ADH5: variants seen among roughly 807,000 people sequenced by gnomAD.
ADH5 encodes the protein alcohol dehydrogenase class-3.
Under a neutral mutation model 40.3 loss-of-function variants are expected in ADH5, and 32 were observed. The observed-to-expected ratio is 0.79, with a 90% CI of 0.60 to 1.07. ADH5 has a LOEUF of 1.07. ADH5 is among the 50% of genes least tolerant of loss of function. The pLI, the probability that ADH5 is intolerant of heterozygous loss-of-function variation, is 0.00. For missense variants in ADH5, 353 were observed against 460.5 expected, an observed-to-expected ratio of 0.77 and a Z score of 2.14; for synonymous variants, 125 against 154.3, an observed-to-expected ratio of 0.81 and a Z score of 1.41.
chr4:99,072,730 T>C lies in ADH5; in HGVS notation c.962-19A>G. The C allele has an allele frequency of 6.3e-7, 1 of 1,593,256 alleles. No individual in the cohort carries two copies. Among genetic ancestry groups the C allele is most frequent in the Non-Finnish European group, 8.5e-7 (1 of 1,172,744 alleles). ...TTCCATCCTAAAAGAAATCACACATTAATTTATTCAACAAATTTCTGCAGT... is the reference window on the plus strand; with the variant it reads ...TTCCATCCTAAAAGAAATCACACATCAATTTATTCAACAAATTTCTGCAGT... On this transcript the variant is annotated intron_variant, in intron 7 of 8. Transcript: ENST00000296412.
intron 6 of ADH5, chr4:99,075,645 G>C (rs1269078759): frequency 6.6e-6 from 1 of 152,258 alleles, no homozygotes; most frequent in Admixed American, 6.5e-5. Flanking sequence ...AAAGCAGGCA[G>C]CAGAATTAAT....
chr4:99,077,155 A>G (rs1228734263), intron 4 of ADH5, among the ~76,000 whole-genome samples: 1 of 152,234 alleles, frequency 6.6e-6, no homozygotes, highest in Non-Finnish European at 1.5e-5. Context: ...CTTCTAGATC[A>G]TACTGTCAGA....
Position 99,072,568 on chromosome 4 carries a change from C to G in ADH5, c.1100+5G>C, listed in dbSNP as rs1171782900. ...CATTCTATGATATATAAAGAGAAAG[C>G]CTACCTCTTTCCAGAATGCATCAGT... On this transcript the variant is annotated splice_donor_5th_base_variant and intron_variant, in intron 8 of 8. Transcript: ENST00000296412. 4 of 1,610,222 alleles carry G rather than the reference C, an allele frequency of 2.5e-6. No homozygotes were observed. Among genetic ancestry groups the G allele is most frequent in the South Asian group, 2.2e-5 (2 of 90,074 alleles).
chr4:99,077,639 T>C (rs1727954454), intron 4 of ADH5, among the ~76,000 whole-genome samples: 1 of 152,068 alleles, frequency 6.6e-6, no homozygotes, highest in Non-Finnish European at 1.5e-5. Context: ...GGCTAATTTA[T>C]ATCTTTCAGG....
In ADH5 at chr4:99,075,997, G is replaced by A. The variant is rs1727918256; in HGVS notation, c.825+295C>T. The A allele has an allele frequency of 3.4e-5, 10 of 292,192 alleles. No homozygotes were observed. In the South Asian group the frequency reaches 4.4e-4, roughly 13 times the overall value. The allele number at this position is 292,192 out of a possible 1,614,324, so 18.1% of individuals were successfully genotyped here. A position where few individuals can be genotyped will look rare whatever the true frequency, so the allele number is the denominator to read the frequency against. ...AGGGTCACTGAGTTAGTAAGTGGAT[G>A]TGTATTTGATTCCAAAGATCATGCT... On this transcript the variant is annotated intron_variant, in intron 6 of 8. Transcript: ENST00000296412.
chr4:99,086,671 G>A (rs1371826640), intron 1 of ADH5, among the ~76,000 whole-genome samples: 4 of 152,148 alleles, frequency 2.6e-5, no homozygotes, highest in Middle Eastern at 3.4e-3. Context: ...CTGGCCGGGC[G>A]CGGTGGCTCA....
chr4:99,077,333 G>C (rs1302395763), intron 4 of ADH5, among the ~76,000 whole-genome samples: 1 of 151,984 alleles, frequency 6.6e-6, no homozygotes, highest in Non-Finnish European at 1.5e-5. Context: ...GAGTAGCCTG[G>C]GCAACATAGC....
At chr4:99,081,243 T>A in intron 4 of ADH5, 122 bp downstream of exon 4, 1 of 724,924 alleles carries the variant, frequency 1.4e-6, no homozygotes. Context: ...CTTTGAACGT[T>A]AATCCGACTG....
At chr4:99,076,159 T>C in intron 6 of ADH5, 133 bp downstream of exon 6, 2 of 824,416 alleles carry the variant, frequency 2.4e-6, no homozygotes, top group Non-Finnish European at 1.9e-6. Flanking sequence ...AAATAGATAT[T>C]TTCCCCTTCT....
intron 2 of ADH5, 32 bp downstream of exon 2, chr4:99,085,080 CTCT>C: frequency 1.7e-6 from 2 of 1,174,740 alleles, no homozygotes; most frequent in Non-Finnish European, 2.3e-6. Flanking sequence ...CTCATTGTGT[CTCT>C]TTTTTTCCCA....
chr4:99,082,116 T>C lies in ADH5; in HGVS notation c.115A>G (p.Ile39Val). The part of the protein sequence containing the change: ...PPKAHEVRIK[I>V]IATAVCHTDA... ...GTGTGGCAAACCGCAGTGGCAATGA[T>C]CTATCAGGACATTAAAACAACGAAT... The change falls in exon 3 of 9, where the codon ATC becomes GTC. Residue 39 changes from isoleucine to valine, a missense_variant and splice_region_variant. Coordinates refer to ENST00000296412, the MANE Select transcript of ADH5 (RefSeq NM_000671.4). The C allele has an allele frequency of 6.2e-7, 1 of 1,613,642 alleles. No homozygotes were observed. The highest frequency in any genetic ancestry group is 8.5e-7 in the Non-Finnish European group (1 of 1,179,688).
At chr4:99,077,032 A>G in intron 4 of ADH5, 109 bp from the exon 5 acceptor site, 1 of 790,542 alleles carries the variant, frequency 1.3e-6, no homozygotes, top group Non-Finnish European at 2.0e-6. Context: ...AAAGTGTTGT[A>G]AACTACAATT....
Position 99,076,434 on chromosome 4 carries a change from T to C in ADH5, c.683A>G (p.Lys228Arg). The change falls in exon 6 of 9, where the codon AAA (lysine) becomes AGA (arginine). Residue 228 changes from lysine (K) to arginine (R), a missense_variant. Coordinates refer to ENST00000296412, the MANE Select transcript of ADH5 (RefSeq NM_000671.4). The stretch of plus-strand genomic sequence containing the variant: ...TCCAAACTCTTTGGCCCTTGCAAAT[T>C]TATCTTTATTGATGTCCACACCAAT... ...RIIGVDINKD[K>R]FARAKEFGAT... 6.2e-7 allele frequency: 1 copy of C among 1,614,122 alleles called. No homozygotes were observed.
chr4:99,088,024 G>C (rs1403862925), intron 1 of ADH5, among the ~76,000 whole-genome samples: 1 of 152,162 alleles, frequency 6.6e-6, no homozygotes, highest in Non-Finnish European at 1.5e-5. Context: ...GAGCAGACCT[G>C]GGTCGGAATC....
intron 7 of ADH5, among the ~76,000 whole-genome samples, chr4:99,073,519 C>T (rs1727870393): frequency 6.6e-6 from 1 of 152,242 alleles, no homozygotes; most frequent in South Asian, 2.1e-4. Context: ...TTCAATTTCT[C>T]ACTGTATCTA....
intron 2 of ADH5, 96 bp downstream of exon 2, chr4:99,085,019 C>G: frequency 1.8e-6 from 1 of 549,346 alleles, no homozygotes; most frequent in Non-Finnish European, 2.9e-6. Flanking sequence ...TGACACTGTC[C>G]TTTGGGATTT....
At chr4:99,081,321 C>T (rs1401007207) in intron 4 of ADH5, 44 bp downstream of exon 4, 1 of 1,263,570 alleles carries the variant, frequency 7.9e-7, no homozygotes. Context: ...CCTTAATTAT[C>T]CCGCAGCACT....
In ADH5 at chr4:99,082,134, C is replaced by T; in HGVS notation, c.115-18G>A. 6.2e-7 allele frequency: 1 copy of T among 1,612,140 alleles called. No individual in the cohort carries two copies. The highest frequency in any genetic ancestry group is 8.5e-7 in the Non-Finnish European group (1 of 1,178,726). On this transcript the variant is annotated intron_variant, in intron 2 of 8. Coordinates refer to ENST00000296412, the MANE Select transcript of ADH5 (RefSeq NM_000671.4). ...GCAATGATCTATCAGGACATTAAAACAACGAATGTGTAAGTATGTGTGCAT... is the reference window on the plus strand; with the variant it reads ...GCAATGATCTATCAGGACATTAAAATAACGAATGTGTAAGTATGTGTGCAT...
At position 99,076,447 on chromosome 4, in the gene ADH5, T is replaced by C. The variant is rs747293939; in HGVS notation, c.670A>G (p.Ile224Val). 5 of 1,614,082 alleles carry C rather than the reference T, an allele frequency of 3.1e-6. No homozygotes were observed. In the East Asian group the frequency reaches 6.7e-5, roughly 22 times the overall value. The change falls in exon 6 of 9, where the codon ATC (isoleucine) becomes GTC (valine). Residue 224 changes from isoleucine (I) to valine (V), a missense_variant. Coordinates refer to ENST00000296412, the MANE Select transcript of ADH5 (RefSeq NM_000671.4). The stretch of plus-strand genomic sequence containing the variant: ...GCCCTTGCAAATTTATCTTTATTGA[T>C]GTCCACACCAATGATCCGGGAAGCA... ...AGASRIIGVD[I>V]NKDKFARAKE...
Sources: allele counts gnomAD v4.1 joint callset (sites outside exome capture counted in the v4.1 genomes callset), GRCh38; gene constraint gnomAD v4.1.1; transcripts MANE v1.5; gene names NCBI Gene and HGNC (gene_info 2026-07-23, HGNC 2026-07-21).